KLHL29: variants seen among roughly 807,000 people sequenced by gnomAD.
KLHL29 encodes kelch-like protein 29.
A neutral mutation model predicts 80.4 loss-of-function variants in KLHL29; 21 were observed. The observed-to-expected ratio is 0.26, with a 90% confidence interval of 0.19 to 0.38. KLHL29 has a LOEUF of 0.38. Ranked by LOEUF, KLHL29 falls within the 10% of genes least tolerant of loss-of-function variation. The pLI is 1.00. For missense variants in KLHL29, 867 were observed against 1,223.9 expected (o/e 0.71, Z 4.35); for synonymous variants, 511 against 526.8 (o/e 0.97, Z 0.41).
At chr2:23,670,910 T>TGCGCGC (rs1324744035) in intron 5 of KLHL29, among the ~76,000 whole-genome samples, 2 of 17,462 alleles carry the variant, frequency 1.1e-4, no homozygotes, top group East Asian at 5.6e-3. Flanking sequence ...TCTACACACA[T>TGCGCGC]GCACGCGCTC....
At chr2:23,641,572 G>T (rs908618793) in intron 4 of KLHL29, among the ~76,000 whole-genome samples, 1 of 152,164 alleles carries the variant, frequency 6.6e-6, no homozygotes, top group Non-Finnish European at 1.5e-5. Context: ...CCACATGCCA[G>T]ACACTCTGCT....
intron 3 of KLHL29, among the ~76,000 whole-genome samples, chr2:23,577,948 A>G (rs1667884906): frequency 6.6e-6 from 1 of 152,180 alleles, no homozygotes; most frequent in Non-Finnish European, 1.5e-5. Context: ...ACCCTGTGCC[A>G]TCGAGGGACT....
intron 1 of KLHL29, among the ~76,000 whole-genome samples, chr2:23,417,287 C>A (rs1474930220): frequency 6.6e-6 from 1 of 152,186 alleles, no homozygotes; most frequent in East Asian, 1.9e-4. Context: ...TCTATCCTGA[C>A]AGCCTTCTGC....
At chr2:23,434,320 CAAAAAAAAAAA>C (rs34991893) in intron 1 of KLHL29, among the ~76,000 whole-genome samples, 10 of 54,912 alleles carry the variant, frequency 1.8e-4, no homozygotes, top group South Asian at 1.4e-3. Flanking sequence ...GACTCCGTCT[CAAAAAAAAAAA>C]AAAAAAAAAA....
chr2:23,521,636 T>G (rs559028945), intron 2 of KLHL29, among the ~76,000 whole-genome samples: 1 of 152,326 alleles, frequency 6.6e-6, no homozygotes, highest in Admixed American at 6.5e-5. Context: ...ACTGAGCACT[T>G]TGCAGGCAGG....
chr2:23,577,607 G>C (rs574698988), intron 3 of KLHL29, among the ~76,000 whole-genome samples: 14 of 152,082 alleles, frequency 9.2e-5, no homozygotes, highest in African/African-American at 3.1e-4. Flanking sequence ...AATTAGCTGG[G>C]CGTGGTGTTG....
At chr2:23,558,543 A>C (rs1667358193) in intron 2 of KLHL29, among the ~76,000 whole-genome samples, 1 of 152,106 alleles carries the variant, frequency 6.6e-6, no homozygotes, top group African/African-American at 2.4e-5. Context: ...CTGGGATTAC[A>C]GATGCACACC....
chr2:23,442,346 G>C (rs923222136), intron 1 of KLHL29, among the ~76,000 whole-genome samples: 2 of 152,072 alleles, frequency 1.3e-5, no homozygotes, highest in Admixed American at 1.3e-4. Flanking sequence ...TCCCATCTCT[G>C]CCTCCCAAAG....
At chr2:23,639,593 A>C (rs544199333) in intron 4 of KLHL29, among the ~76,000 whole-genome samples, 26 of 152,148 alleles carry the variant, frequency 1.7e-4, no homozygotes, top group Non-Finnish European at 2.9e-4. Flanking sequence ...ATTCATAACA[A>C]ATTTCTCGAG....
intron 8 of KLHL29, among the ~76,000 whole-genome samples, chr2:23,694,803 A>G (rs956317317): frequency 1.3e-5 from 2 of 152,092 alleles, no homozygotes; most frequent in Non-Finnish European, 2.9e-5. Context: ...TCCAGATGCC[A>G]TTCCCTCTGC....
chr2:23,460,954 A>G (rs1664192060), intron 1 of KLHL29, among the ~76,000 whole-genome samples: 1 of 152,232 alleles, frequency 6.6e-6, no homozygotes, highest in African/African-American at 2.4e-5. Flanking sequence ...AGCTGTGGCC[A>G]TAGATATCAT....
At chr2:23,492,631 C>T (rs1709292) in intron 2 of KLHL29, among the ~76,000 whole-genome samples, 121,257 of 152,194 alleles carry the variant, frequency 0.8, 48,448 homozygotes, top group East Asian at 0.96. Flanking sequence ...AGAGTTCCAT[C>T]TGGGGCTGGG....
At chr2:23,450,580 AT>A (rs945144705) in intron 1 of KLHL29, among the ~76,000 whole-genome samples, 1 of 152,058 alleles carries the variant, frequency 6.6e-6, no homozygotes, top group Non-Finnish European at 1.5e-5. Context: ...CTAAAAAAAA[AT>A]GGACATTCCT....
At chr2:23,504,559 G>A (rs1323983701) in intron 2 of KLHL29, among the ~76,000 whole-genome samples, 2 of 152,234 alleles carry the variant, frequency 1.3e-5, no homozygotes, top group African/African-American at 2.4e-5. Context: ...GAGGCTGGAG[G>A]GAGGGGGCAC....
Position 23,700,324 on chromosome 2 carries a change from A to AAATT in KLHL29, c.2106-2860_2106-2857dup, listed in dbSNP as rs1405643553. 1.3e-5 allele frequency among the ~76,000 whole-genome samples: 2 copies of AAATT among 152,228 alleles called. No homozygotes were observed. The highest frequency in any genetic ancestry group is 2.4e-5 in the African/African-American group (1 of 41,456). The stretch of plus-strand genomic sequence containing the variant: ...AAATTTAACAATTTTTAATTATTAA[A>AAATT]AATTATATACACATATTAAAAACAA... On this transcript the variant is annotated intron_variant, in intron 11 of 13. Coordinates refer to ENST00000486442, the MANE Select transcript of KLHL29 (RefSeq NM_052920.2). This position sits in a 1 kb window ranked among gnomAD's most constrained non-coding sequence, Gnocchi z 4.6.
intron 3 of KLHL29, among the ~76,000 whole-genome samples, chr2:23,633,756 CGTGT>C (rs1181808728): frequency 3.1e-4 from 45 of 147,128 alleles, no homozygotes; most frequent in Non-Finnish European, 2.2e-4. Flanking sequence ...TCACAGCACT[CGTGT>C]GTGTGTGTGT....
rs746729913 is a variant in KLHL29 at position 23,525,726 on chromosome 2, GCC to G, written c.-45-36415_-45-36414del. 1.3e-4 allele frequency among the ~76,000 whole-genome samples: 8 copies of G among 62,590 alleles called. 1 individual carries two copies. The highest frequency in any genetic ancestry group is 2.0e-4 in the Non-Finnish European group (7 of 35,060). 41.1% of individuals were successfully genotyped at this position (62,590 alleles called of 152,430 possible). On this transcript the variant is annotated intron_variant, in intron 2 of 13. Transcript: ENST00000486442. Reference sequence around the variant, plus strand: ...AGAGGCCGAGTGAGCCCCAGCCCCTGCCCCCCCCCCCCACCCGAGGCGAGCCA... The same window carrying G: ...AGAGGCCGAGTGAGCCCCAGCCCCTGCCCCCCCCCCACCCGAGGCGAGCCA...
At chr2:23,488,769 G>A (rs188196355) in intron 2 of KLHL29, among the ~76,000 whole-genome samples, 116 of 152,294 alleles carry the variant, frequency 7.6e-4, no homozygotes, top group African/African-American at 2.6e-3. Context: ...CCACAAGTGG[G>A]CCACACATTT....
At chr2:23,565,765 C>A (rs570768776) in intron 3 of KLHL29, among the ~76,000 whole-genome samples, 4 of 152,188 alleles carry the variant, frequency 2.6e-5, no homozygotes, top group Admixed American at 2.0e-4. Flanking sequence ...ATGTATCCAC[C>A]GGGCTTCCTG....
Sources: gnomAD v4.1 joint callset for allele counts (sites outside exome capture counted in the v4.1 genomes callset) on GRCh38, gnomAD v4.1.1 for gene constraint, Gnocchi (gnomAD v3.1) non-coding constraint, MANE v1.5 for transcripts, NCBI Gene and HGNC (gene_info 2026-07-23, HGNC 2026-07-21) for gene names.